RARB: variants seen among roughly 807,000 people sequenced by gnomAD.
The protein encoded by RARB is retinoic acid receptor beta.
A neutral mutation model predicts 51.9 loss-of-function variants in RARB; 17 were observed. The observed-to-expected ratio is 0.33, with a 90% CI of 0.22 to 0.49. The LOEUF (loss-of-function observed/expected upper bound fraction) is 0.49, where lower values mean the gene tolerates loss of function less well. Ranked by LOEUF, RARB falls within the 20% of genes least tolerant of loss-of-function variation. The pLI, the probability that RARB is intolerant of heterozygous loss-of-function variation, is 0.99. For synonymous variants in RARB, 215 were observed against 195.4 expected (o/e 1.10, Z -0.84); for missense variants, 369 against 550.8 (o/e 0.67, Z 3.30).
At chr3:25,190,384 T>A (rs542437278) in intron 5 of RARB, among the ~76,000 whole-genome samples, 1 of 152,118 alleles carries the variant, frequency 6.6e-6, no homozygotes, top group Admixed American at 6.6e-5. Flanking sequence ...TGTACTGATA[T>A]GTGCAACTAT....
chr3:25,186,920 T>TGTGTGTGC (rs1700992196), intron 5 of RARB, among the ~76,000 whole-genome samples: 1 of 151,014 alleles, frequency 6.6e-6, no homozygotes, highest in Non-Finnish European at 1.5e-5. Context: ...TGTGTGTGTG[T>TGTGTGTGC]GTGTGTGTGT....
At chr3:24,917,686 C>A (rs373644423) in intron 2 of RARB, among the ~76,000 whole-genome samples, 10 of 152,152 alleles carry the variant, frequency 6.6e-5, no homozygotes, top group African/African-American at 2.4e-4. Context: ...GTGTGCCATG[C>A]CTGCTAATTT....
intron 5 of RARB, among the ~76,000 whole-genome samples, chr3:25,295,405 G>T (rs1703892588): frequency 6.6e-6 from 1 of 152,162 alleles, no homozygotes; most frequent in Non-Finnish European, 1.5e-5. Flanking sequence ...TACCATCTAT[G>T]AAGAACAGAA....
chr3:25,490,883 A>C (rs1274393752), intron 2 of RARB, among the ~76,000 whole-genome samples: 1 of 152,178 alleles, frequency 6.6e-6, no homozygotes, highest in South Asian at 2.1e-4. Flanking sequence ...AATTCTCAGA[A>C]CCAGATTTAA....
intron 3 of RARB, among the ~76,000 whole-genome samples, chr3:25,567,171 T>C (rs555444553): frequency 5.3e-5 from 8 of 152,294 alleles, no homozygotes; most frequent in African/African-American, 1.9e-4. Context: ...TAGCATAACA[T>C]TCATCATTTT....
At chr3:25,584,755 G>A (rs965702552) in intron 5 of RARB, among the ~76,000 whole-genome samples, 2 of 152,254 alleles carry the variant, frequency 1.3e-5, no homozygotes, top group Admixed American at 6.5e-5. Flanking sequence ...TGGTTTAAAC[G>A]TTTGCTCTGT....
At chr3:25,274,284 A>C (rs1199877049) in intron 5 of RARB, among the ~76,000 whole-genome samples, 1 of 152,194 alleles carries the variant, frequency 6.6e-6, no homozygotes, top group Non-Finnish European at 1.5e-5. Context: ...TATTTATACT[A>C]ACAACACCTC....
At chr3:24,875,614 G>A (rs1465045075) in intron 2 of RARB, among the ~76,000 whole-genome samples, 1 of 152,088 alleles carries the variant, frequency 6.6e-6, no homozygotes, top group African/African-American at 2.4e-5. Context: ...TTGTTTTAGT[G>A]TGAAATGTCT....
chr3:25,090,849 A>T (rs1344142863), intron 3 of RARB, among the ~76,000 whole-genome samples: 1 of 152,128 alleles, frequency 6.6e-6, no homozygotes, highest in Non-Finnish European at 1.5e-5. Flanking sequence ...GTTCAAACTC[A>T]CACTCCATTT....
At chr3:25,289,545 T>C (rs1358163946) in intron 5 of RARB, among the ~76,000 whole-genome samples, 3 of 152,214 alleles carry the variant, frequency 2.0e-5, no homozygotes, top group South Asian at 2.1e-4. Context: ...TATTAAACTT[T>C]GGCAAAAGAG....
rs575668300 is a variant in RARB at position 25,204,558 on chromosome 3, A to G, written c.178+29983A>G. On this transcript the variant is annotated intron_variant, in intron 5 of 11. Transcript: ENST00000383772. ...GTTTTTTCCCCATCTGTGTGGTTTT[A>G]TCTACCTTTGGTCTTTGATGATGGT... Among the ~76,000 whole-genome samples the G allele has an allele frequency of 1.9e-4, 29 of 152,174 alleles. No individual in the cohort carries two copies. In the South Asian group the frequency reaches 4.6e-3, roughly 24 times the overall value.
chr3:24,972,222 T>G (rs1369354261), intron 2 of RARB, among the ~76,000 whole-genome samples: 1 of 151,986 alleles, frequency 6.6e-6, no homozygotes, highest in Non-Finnish European at 1.5e-5. Flanking sequence ...AGCTCCCACA[T>G]ATGAGTGAGA....
chr3:24,840,283 T>C (rs908376676), intron 1 of RARB, among the ~76,000 whole-genome samples: 1 of 152,226 alleles, frequency 6.6e-6, no homozygotes, highest in Non-Finnish European at 1.5e-5. Flanking sequence ...TGTAACTGCC[T>C]AGATGGGATC....
At chr3:25,502,405 G>A (rs749223785) in intron 3 of RARB, among the ~76,000 whole-genome samples, 1 of 152,158 alleles carries the variant, frequency 6.6e-6, no homozygotes, top group Non-Finnish European at 1.5e-5. Context: ...TACTCTGAGG[G>A]TGCTCAGCTG....
intron 5 of RARB, among the ~76,000 whole-genome samples, chr3:25,255,824 C>A (rs1158353246): frequency 6.6e-6 from 1 of 152,028 alleles, no homozygotes; most frequent in Non-Finnish European, 1.5e-5. Context: ...CATTTTTATA[C>A]CCTTGAGTCA....
At position 25,083,444 on chromosome 3, in the gene RARB, T is replaced by C. The variant is rs894350159; in HGVS notation, c.-328+23268T>C. On this transcript the variant is annotated intron_variant, in intron 3 of 11. Coordinates refer to the RARB transcript ENST00000383772. ...GTCTGCTAATGTTCATCCAGTGATT[T>C]TTTTTTTTCCAGACAGTATTTTTCA... 3.3e-3 allele frequency among the ~76,000 whole-genome samples: 9 copies of C among 2,736 alleles called. No individual in the cohort carries two copies. In the African/African-American group the frequency reaches 0.14, roughly 41 times the overall value. 1.8% of individuals were successfully genotyped at this position (2,736 alleles called of 152,430 possible).
At chr3:25,294,215 C>T (rs1703862086) in intron 5 of RARB, among the ~76,000 whole-genome samples, 1 of 152,188 alleles carries the variant, frequency 6.6e-6, no homozygotes, top group South Asian at 2.1e-4. Context: ...ATTATGTTGT[C>T]ATTCGTTAAG....
intron 2 of RARB, among the ~76,000 whole-genome samples, chr3:25,027,505 C>G (rs1697773340): frequency 6.6e-6 from 1 of 152,076 alleles, no homozygotes; most frequent in Non-Finnish European, 1.5e-5. Flanking sequence ...GCCAAGCCCT[C>G]TTCATTTTTC....
At chr3:25,234,798 A>T (rs1702265180) in intron 5 of RARB, among the ~76,000 whole-genome samples, 1 of 152,134 alleles carries the variant, frequency 6.6e-6, no homozygotes, top group Non-Finnish European at 1.5e-5. Flanking sequence ...AGAAAAAATT[A>T]TGAAGATTTC....
Sources: allele counts gnomAD v4.1 joint callset (sites outside exome capture counted in the v4.1 genomes callset), GRCh38; gene constraint gnomAD v4.1.1; transcripts MANE v1.5; gene names NCBI Gene and HGNC (gene_info 2026-07-23, HGNC 2026-07-21).